The following APAF1 variants were observed in gnomAD, a reference collection of about 807,000 sequenced individuals.
APAF1 encodes the protein apoptotic protease-activating factor 1.
Under a neutral mutation model 152.4 loss-of-function variants are expected in APAF1, and 91 were observed. That is an observed-to-expected ratio of 0.60 (90% confidence interval 0.50 to 0.71). APAF1 has a LOEUF of 0.71. APAF1 is among the 30% of genes least tolerant of loss of function. The pLI, the probability that APAF1 is intolerant of heterozygous loss-of-function variation, is 0.00. For synonymous variants in APAF1, 484 were observed against 494.1 expected (o/e 0.98, Z 0.27); for missense variants, 1,283 against 1,472.0 (o/e 0.87, Z 2.10).
At chr12:98,675,072 C>G (rs2097685068) in intron 12 of APAF1, among the ~76,000 whole-genome samples, 1 of 152,116 alleles carries the variant, frequency 6.6e-6, no homozygotes, top group African/African-American at 2.4e-5. Context: ...TTGTGATGTT[C>G]TCTCATAGAA....
chr12:98,645,994 G>A (rs1449420488), intron 1 of APAF1, among the ~76,000 whole-genome samples, 159 bp downstream of exon 1: 1 of 152,204 alleles, frequency 6.6e-6, no homozygotes, highest in Non-Finnish European at 1.5e-5. Context: ...TAAACTTGGG[G>A]TTTTCGTGGA....
chr12:98,664,563 G>T (rs371342736), intron 7 of APAF1, among the ~76,000 whole-genome samples: 5 of 151,772 alleles, frequency 3.3e-5, no homozygotes, highest in Non-Finnish European at 7.4e-5. Context: ...AAGAGCCAGG[G>T]TCTTGCTCTG....
chr12:98,708,259 T>C (rs4762503), intron 19 of APAF1, among the ~76,000 whole-genome samples: 240 of 152,266 alleles, frequency 1.6e-3, no homozygotes, highest in African/African-American at 5.3e-3. Flanking sequence ...CTTCTTACCT[T>C]GTGGATTGGT....
chr12:98,693,792 G>GTTTTTTTTTTT (rs546014793), intron 16 of APAF1, among the ~76,000 whole-genome samples: 1 of 129,814 alleles, frequency 7.7e-6, no homozygotes, highest in Non-Finnish European at 1.7e-5. Context: ...TTGTTTTTCA[G>GTTTTTTTTTTT]TTTTTTTTTT....
intron 18 of APAF1, 123 bp from the exon 19 acceptor site, chr12:98,706,359 ATAG>A: frequency 1.1e-6 from 1 of 927,218 alleles, no homozygotes; most frequent in Admixed American, 1.7e-5. Context: ...TGTAGTTTTG[ATAG>A]TGTGTTTCTG....
chr12:98,706,586 A>G lies in APAF1; in HGVS notation c.2697A>G (p.Thr899=). Residue 899 remains threonine, a synonymous_variant, in exon 19 of 27, where the codon ACA becomes ACG. Coordinates refer to ENST00000551964, the MANE Select transcript of APAF1 (RefSeq NM_181861.2). The stretch of plus-strand genomic sequence containing the variant: ...CTCCTGATGGATCATCATTTTTGAC[A>G]TCTTCTGATGACCAGACAATCAGGG... ...MFSPDGSSFL[T]SSDDQTIRLW... The G allele has an allele frequency of 6.2e-7, 1 of 1,614,016 alleles. No individual in the cohort carries two copies. Among genetic ancestry groups the G allele is most frequent in the Non-Finnish European group, 8.5e-7 (1 of 1,179,920 alleles).
At chr12:98,682,590 A>G (rs2097693591) in intron 14 of APAF1, among the ~76,000 whole-genome samples, 1 of 152,192 alleles carries the variant, frequency 6.6e-6, no homozygotes, top group Non-Finnish European at 1.5e-5. Context: ...ATTTTTTTTA[A>G]CTAAGCAATC....
At chr12:98,648,223 AGTTTT>A in intron 1 of APAF1, 91 bp from the exon 2 acceptor site, 1 of 1,233,342 alleles carries the variant, frequency 8.1e-7, no homozygotes, top group African/African-American at 1.5e-5. Context: ...AAAAAAAATC[AGTTTT>A]GTTCTTTTTA....
intron 12 of APAF1, among the ~76,000 whole-genome samples, chr12:98,674,901 G>T (rs1054833909): frequency 6.6e-6 from 1 of 152,194 alleles, no homozygotes; most frequent in Non-Finnish European, 1.5e-5. Flanking sequence ...TCTGTATTCA[G>T]TATAAATTTA....
chr12:98,698,350 G>T (rs1315032926), intron 16 of APAF1, among the ~76,000 whole-genome samples: 1 of 152,154 alleles, frequency 6.6e-6, no homozygotes, highest in Non-Finnish European at 1.5e-5. Flanking sequence ...ACTGTACCCA[G>T]CCTGATTTTC....
At chr12:98,720,185 G>A (rs1465486072) in intron 22 of APAF1, among the ~76,000 whole-genome samples, 3 of 152,168 alleles carry the variant, frequency 2.0e-5, no homozygotes, top group Admixed American at 6.5e-5. Context: ...CCAGCTTGAC[G>A]ATTTCAGGTA....
intron 26 of APAF1, among the ~76,000 whole-genome samples, chr12:98,730,089 T>G (rs986640026): frequency 6.6e-6 from 1 of 152,114 alleles, no homozygotes; most frequent in Non-Finnish European, 1.5e-5. Flanking sequence ...ATGTACAACT[T>G]AATTATCAAT....
intron 22 of APAF1, among the ~76,000 whole-genome samples, chr12:98,721,140 G>T (rs1183973688): frequency 6.6e-6 from 1 of 152,236 alleles, no homozygotes; most frequent in East Asian, 1.9e-4. Flanking sequence ...TGATATTAAG[G>T]TTATTCAATT....
At chr12:98,680,534 T>A in intron 14 of APAF1, 132 bp downstream of exon 14, 1 of 917,052 alleles carries the variant, frequency 1.1e-6, no homozygotes, top group Non-Finnish European at 1.6e-6. Context: ...CATTGTAAAT[T>A]AACACTATCT....
intron 15 of APAF1, 68 bp from the exon 16 acceptor site, chr12:98,686,680 C>T: frequency 6.8e-7 from 1 of 1,475,568 alleles, no homozygotes; most frequent in South Asian, 1.2e-5. Context: ...GGAAGAACTT[C>T]ACATGATTTC....
intron 4 of APAF1, among the ~76,000 whole-genome samples, chr12:98,650,472 G>A (rs1479805044): frequency 6.6e-6 from 1 of 151,594 alleles, no homozygotes; most frequent in African/African-American, 2.4e-5. Flanking sequence ...GTCAACAAGA[G>A]CAAGACTCCA....
In APAF1 at chr12:98,656,865, C is replaced by T. The variant is rs34273507; in HGVS notation, c.527-2295C>T. Among the ~76,000 whole-genome samples, 877 of 152,320 alleles carry T rather than the reference C, an allele frequency of 5.8e-3. 9 individuals carry two copies. Among genetic ancestry groups the T allele is most frequent in the Non-Finnish European group, 9.4e-3 (642 of 68,026 alleles). On this transcript the variant is annotated intron_variant, in intron 4 of 26. Coordinates refer to ENST00000551964, the MANE Select transcript of APAF1 (RefSeq NM_181861.2). The stretch of plus-strand genomic sequence containing the variant: ...AGACCATTAATACTCCCTTCTCCAG[C>T]TGAATGCTTTGAGGTTCATGTCTCT...
At chr12:98,664,039 G>C (rs2097669034) in intron 7 of APAF1, among the ~76,000 whole-genome samples, 1 of 150,974 alleles carries the variant, frequency 6.6e-6, no homozygotes, top group African/African-American at 2.4e-5. Context: ...TTTATTTTTT[G>C]AGACGAGTCT....
At chr12:98,691,163 C>T (rs2097703755) in intron 16 of APAF1, among the ~76,000 whole-genome samples, 1 of 151,988 alleles carries the variant, frequency 6.6e-6, no homozygotes, top group South Asian at 2.1e-4. Flanking sequence ...GCTGAGATTG[C>T]GCCACTGCAC....
Sources: gnomAD v4.1 joint callset for allele counts (sites outside exome capture counted in the v4.1 genomes callset) on GRCh38, gnomAD v4.1.1 for gene constraint, MANE v1.5 for transcripts, NCBI Gene and HGNC (gene_info 2026-07-23, HGNC 2026-07-21) for gene names.